FYN: variants seen among roughly 807,000 people sequenced by gnomAD.
FYN encodes FYN proto-oncogene, Src family tyrosine kinase, also known as tyrosine-protein kinase Fyn.
Under a neutral mutation model 70.2 loss-of-function variants are expected in FYN, and 10 were observed. The observed-to-expected ratio is 0.14, with a 90% confidence interval of 0.09 to 0.24. The LOEUF is 0.24. Among genes scored for constraint, FYN ranks in the 10% least tolerant of loss-of-function variants. The probability of loss-of-function intolerance (pLI) is 1.00; values close to 1 mark genes in which losing one functional copy is unlikely to be tolerated. For missense variants in FYN, 319 were observed against 673.1 expected (o/e 0.47, Z 5.82); for synonymous variants, 236 against 248.6 (o/e 0.95, Z 0.48).
intron 1 of FYN, among the ~76,000 whole-genome samples, chr6:111,855,668 C>A (rs1583496832): frequency 6.6e-6 from 1 of 152,280 alleles, no homozygotes; most frequent in East Asian, 1.9e-4. Flanking sequence ...TCTCTGTCAA[C>A]CTGGGCGTGC....
intron 1 of FYN, among the ~76,000 whole-genome samples, chr6:111,866,293 C>A (rs1774102967): frequency 6.6e-6 from 1 of 152,218 alleles, no homozygotes; most frequent in Non-Finnish European, 1.5e-5. Context: ...CCAGCCCACA[C>A]AGCTGGAAAG....
chr6:111,764,390 G>A (rs917203957), intron 3 of FYN, among the ~76,000 whole-genome samples: 3 of 152,166 alleles, frequency 2.0e-5, no homozygotes, highest in Non-Finnish European at 4.4e-5. Flanking sequence ...GCAGCATGGG[G>A]AGGAGGAAGG....
At chr6:111,805,635 CCCTTCTTCCTGAGGCA>C (rs1772124198) in intron 2 of FYN, among the ~76,000 whole-genome samples, 1 of 152,120 alleles carries the variant, frequency 6.6e-6, no homozygotes, top group Non-Finnish European at 1.5e-5. Context: ...CCACCTGGCT[CCCTTCTTCCTGAGGCA>C]CCTGAATTGT....
At chr6:111,830,454 C>T (rs1395848222) in intron 2 of FYN, among the ~76,000 whole-genome samples, 2 of 152,110 alleles carry the variant, frequency 1.3e-5, no homozygotes, top group African/African-American at 2.4e-5. Flanking sequence ...TGTGTGCCTG[C>T]GTGTGGCAGA....
intron 2 of FYN, among the ~76,000 whole-genome samples, chr6:111,799,572 G>A (rs1771918853): frequency 6.6e-6 from 1 of 152,190 alleles, no homozygotes; most frequent in Non-Finnish European, 1.5e-5. Flanking sequence ...ACTAATTTCT[G>A]ACATCTTCCG....
intron 2 of FYN, among the ~76,000 whole-genome samples, chr6:111,845,796 C>T (rs1270659105): frequency 6.6e-6 from 1 of 152,146 alleles, no homozygotes; most frequent in South Asian, 2.1e-4. Flanking sequence ...GGGTGGCTAG[C>T]GAGAGCTGCG....
At chr6:111,748,857 T>G (rs1274551818) in intron 3 of FYN, among the ~76,000 whole-genome samples, 2 of 152,242 alleles carry the variant, frequency 1.3e-5, no homozygotes, top group Non-Finnish European at 2.9e-5. Context: ...TAATTTAAAA[T>G]TAATTACCTG....
Position 111,837,433 on chromosome 6 carries a change from G to A in FYN, c.-82+9156C>T, listed in dbSNP as rs369039500. On this transcript the variant is annotated intron_variant, in intron 2 of 13. Coordinates refer to ENST00000354650, the MANE Select transcript of FYN (RefSeq NM_002037.5). Reference sequence around the variant, plus strand: ...CACAAAGGTTTTGTCTTCAATTACCGTAGCATTATCTATGTTGACACACAG... The same window carrying A: ...CACAAAGGTTTTGTCTTCAATTACCATAGCATTATCTATGTTGACACACAG... 8.6e-5 allele frequency among the ~76,000 whole-genome samples: 13 copies of A among 152,038 alleles called. No homozygotes were observed. In the East Asian group the frequency reaches 1.9e-3, roughly 23 times the overall value.
At chr6:111,773,628 G>GAGGGGGAAAT (rs1331076798) in intron 3 of FYN, among the ~76,000 whole-genome samples, 1 of 74,976 alleles carries the variant, frequency 1.3e-5, no homozygotes, top group Non-Finnish European at 2.7e-5. Context: ...GAGGGGGAAA[G>GAGGGGGAAAT]GAGAGGGGGA....
chr6:111,720,061 TCCTG>T lies in FYN; in HGVS notation c.-11-3_-11del. 1.3e-6 allele frequency: 2 copies of T among 1,580,160 alleles called. No homozygotes were observed. The highest frequency in any genetic ancestry group is 2.3e-5 in the South Asian group (2 of 87,346). ...ATTGCACACAGCCCATTATCTAAATTCCTGCCAAAGACAAAAAAGGGGGCACGTA... is the reference window on the plus strand; with the variant it reads ...ATTGCACACAGCCCATTATCTAAATTCCAAAGACAAAAAAGGGGGCACGTA... On this transcript the variant is annotated splice_acceptor_variant and splice_polypyrimidine_tract_variant and 5_prime_UTR_variant and intron_variant, in exon 4 of 14. Transcript: ENST00000354650. LOFTEE classifies it low-confidence loss of function (5UTR_SPLICE).
At chr6:111,871,633 T>C (rs1268566342) in intron 1 of FYN, among the ~76,000 whole-genome samples, 1 of 152,232 alleles carries the variant, frequency 6.6e-6, no homozygotes, top group African/African-American at 2.4e-5. Context: ...CCATTCAGGC[T>C]GCCTCCCTCT....
intron 3 of FYN, among the ~76,000 whole-genome samples, chr6:111,767,622 G>T (rs1436569333): frequency 6.6e-6 from 1 of 151,990 alleles, no homozygotes; most frequent in South Asian, 2.1e-4. Context: ...GGATGGTCTC[G>T]ATCTCCTGAC....
intron 12 of FYN, among the ~76,000 whole-genome samples, chr6:111,687,607 T>TGGGG (rs375169325): frequency 4.3e-5 from 6 of 140,964 alleles, no homozygotes; most frequent in East Asian, 2.1e-4. Flanking sequence ...GGTGGGTGGG[T>TGGGG]GTGTGTGTGT....
intron 1 of FYN, among the ~76,000 whole-genome samples, chr6:111,861,729 G>A (rs1162924761): frequency 6.6e-6 from 1 of 152,230 alleles, no homozygotes; most frequent in Admixed American, 6.5e-5. Flanking sequence ...CTTCATGAAT[G>A]CAGACCAACA....
intron 3 of FYN, among the ~76,000 whole-genome samples, chr6:111,740,439 TA>T (rs1412573897): frequency 6.6e-6 from 1 of 152,220 alleles, no homozygotes; most frequent in Admixed American, 6.5e-5. Context: ...TGAAAGATAT[TA>T]ATGAAATAGT....
chr6:111,820,870 T>C (rs73527797), intron 2 of FYN, among the ~76,000 whole-genome samples: 3,330 of 152,250 alleles, frequency 0.022, 115 homozygotes, highest in African/African-American at 0.076. Flanking sequence ...CCAGGGTCAG[T>C]AGCAGTAGCT....
intron 12 of FYN, among the ~76,000 whole-genome samples, chr6:111,692,998 G>A (rs1799406644): frequency 6.6e-6 from 1 of 152,210 alleles, no homozygotes; most frequent in Non-Finnish European, 1.5e-5. Context: ...CTTGCTGTGT[G>A]GGCATTTGGC....
At chr6:111,847,271 G>A (rs776591908) in intron 1 of FYN, among the ~76,000 whole-genome samples, 72 of 152,306 alleles carry the variant, frequency 4.7e-4, no homozygotes, top group Middle Eastern at 3.4e-3. Context: ...GCTGAGTGCT[G>A]GTTCTGATGA....
At chr6:111,798,480 G>C (rs1374194360) in intron 2 of FYN, 3 of 152,218 alleles carry the variant, frequency 2.0e-5, no homozygotes, top group Non-Finnish European at 4.4e-5. Flanking sequence ...CTGAGTGCCT[G>C]TCATGCTCCT....
Sources: gnomAD v4.1 joint callset for allele counts (sites outside exome capture counted in the v4.1 genomes callset) on GRCh38, gnomAD v4.1.1 for gene constraint, MANE v1.5 for transcripts, NCBI Gene and HGNC (gene_info 2026-07-23, HGNC 2026-07-21) for gene names.